SETD3: variants seen among roughly 807,000 people sequenced by gnomAD.
SETD3 encodes actin-histidine N-methyltransferase.
SETD3 carries 19 observed loss-of-function variants against 63.0 expected under a neutral mutation model. The observed-to-expected ratio is 0.30, with a 90% CI of 0.21 to 0.44. The LOEUF (loss-of-function observed/expected upper bound fraction) is 0.44, where lower values mean the gene tolerates loss of function less well. Ranked by LOEUF, SETD3 falls within the 20% of genes least tolerant of loss-of-function variation. The probability of loss-of-function intolerance (pLI) is 1.00; values close to 1 mark genes in which losing one functional copy is unlikely to be tolerated. For synonymous variants in SETD3, 286 were observed against 264.1 expected, an observed-to-expected ratio of 1.08 and a Z score of -0.80; for missense variants, 587 against 728.5, an observed-to-expected ratio of 0.81 and a Z score of 2.24.
Position 99,414,425 on chromosome 14 carries a change from A to G in SETD3, c.676-491T>C, listed in dbSNP as rs186521566. ...TTGAAAGCTCTTTCATTTCTCTCCG[A>G]CTTAAGTCATTTCATGGGAATCAAC... On this transcript the variant is annotated intron_variant, in intron 6 of 12. Coordinates refer to ENST00000331768, the MANE Select transcript of SETD3 (RefSeq NM_032233.3). Among the ~76,000 whole-genome samples, 1,406 of 152,360 alleles carry G rather than the reference A, an allele frequency of 9.2e-3. 24 individuals carry two copies. The highest frequency in any genetic ancestry group is 0.012 in the Non-Finnish European group (814 of 68,036).
At chr14:99,460,162 G>GT (rs35620095) in intron 4 of SETD3, among the ~76,000 whole-genome samples, 63,632 of 151,942 alleles carry the variant, frequency 0.42, 13,824 homozygotes, top group East Asian at 0.56. Flanking sequence ...GAAGAGACTG[G>GT]TTTTTTTGGA....
At chr14:99,415,297 T>C (rs1368036415) in intron 6 of SETD3, among the ~76,000 whole-genome samples, 1 of 152,198 alleles carries the variant, frequency 6.6e-6, no homozygotes, top group Non-Finnish European at 1.5e-5. Context: ...CAATGCTAAA[T>C]CTCTAAGTCT....
At chr14:99,466,627 G>T (rs78483517) in intron 1 of SETD3, among the ~76,000 whole-genome samples, 81 of 151,504 alleles carry the variant, frequency 5.3e-4, no homozygotes, top group African/African-American at 2.0e-3. Context: ...GCGGGGGGGG[G>T]GGGGGGCATT....
rs1237955559 is a variant in SETD3, at chr14:99,475,119, GT to G, written c.-9+5608del. On this transcript the variant is annotated intron_variant, in intron 1 of 12. Coordinates refer to ENST00000331768, the MANE Select transcript of SETD3 (RefSeq NM_032233.3). Reference sequence around the variant, plus strand: ...ATCTTTCTAAAATAAAAAAGACAATGTTATGTGTGAAGAAACAGCTGTAATC... The same window carrying G: ...ATCTTTCTAAAATAAAAAAGACAATGTATGTGTGAAGAAACAGCTGTAATC... Among the ~76,000 whole-genome samples, 4 of 152,250 alleles carry G rather than the reference GT, an allele frequency of 2.6e-5. No individual in the cohort carries two copies. The East Asian group carries it at 5.8e-4, about 22-fold the overall frequency.
intron 5 of SETD3, among the ~76,000 whole-genome samples, 161 bp from the exon 6 acceptor site, chr14:99,458,696 G>A (rs1894900502): frequency 6.6e-6 from 1 of 151,464 alleles, no homozygotes; most frequent in Admixed American, 6.6e-5. Context: ...CTAGCACTTT[G>A]GGAGGTCAAG....
chr14:99,458,992 T>C, intron 5 of SETD3, 121 bp downstream of exon 5: 1 of 639,544 alleles, frequency 1.6e-6, no homozygotes, highest in Admixed American at 2.9e-5. Flanking sequence ...ACTTAATGCA[T>C]ATTTGAGGGA....
At chr14:99,413,162 A>G (rs561653309) in intron 7 of SETD3, 97 bp from the exon 8 acceptor site, 1 of 669,398 alleles carries the variant, frequency 1.5e-6, no homozygotes, top group South Asian at 1.9e-5. Context: ...ATCTCTTACA[A>G]ACGTACAAAG....
chr14:99,441,740 G>A (rs957409158), intron 6 of SETD3, among the ~76,000 whole-genome samples: 1 of 152,206 alleles, frequency 6.6e-6, no homozygotes, highest in Non-Finnish European at 1.5e-5. Context: ...AGCCCCTGAT[G>A]AGGCCACAGC....
At chr14:99,420,533 T>C (rs1892529015) in intron 6 of SETD3, among the ~76,000 whole-genome samples, 1 of 152,094 alleles carries the variant, frequency 6.6e-6, no homozygotes, top group Non-Finnish European at 1.5e-5. Flanking sequence ...GATCTCCACA[T>C]TCCTCTTCAG....
intron 6 of SETD3, among the ~76,000 whole-genome samples, chr14:99,428,792 C>A (rs986897863): frequency 6.6e-6 from 1 of 152,088 alleles, no homozygotes; most frequent in African/African-American, 2.4e-5. Context: ...CAGCAAGAAA[C>A]CCAGGCACTG....
chr14:99,465,281 ACAC>A (rs1895306442), intron 2 of SETD3, among the ~76,000 whole-genome samples: 1 of 152,230 alleles, frequency 6.6e-6, no homozygotes, highest in African/African-American at 2.4e-5. Flanking sequence ...GTACCTTCAC[ACAC>A]CACATCTCAC....
intron 3 of SETD3, among the ~76,000 whole-genome samples, chr14:99,461,850 C>T (rs1285350199): frequency 6.6e-6 from 1 of 152,120 alleles, no homozygotes; most frequent in Non-Finnish European, 1.5e-5. Context: ...GGCTGTAAGG[C>T]AATTTAAATG....
intron 12 of SETD3, 22 bp downstream of exon 12, chr14:99,400,077 C>CTCATT: frequency 6.3e-7 from 1 of 1,582,082 alleles, no homozygotes; most frequent in South Asian, 1.2e-5. Context: ...AGTTCAAAAC[C>CTCATT]TCATTTATTT....
chr14:99,450,495 G>C (rs1894397746), intron 6 of SETD3, among the ~76,000 whole-genome samples: 1 of 152,202 alleles, frequency 6.6e-6, no homozygotes, highest in African/African-American at 2.4e-5. Flanking sequence ...ACAGGCTGCA[G>C]CAACAGTAAG....
chr14:99,436,347 T>C (rs1302733707), intron 6 of SETD3, among the ~76,000 whole-genome samples: 1 of 152,170 alleles, frequency 6.6e-6, no homozygotes, highest in Non-Finnish European at 1.5e-5. Context: ...CTGGTCTACA[T>C]AGAGCTTTCC....
chr14:99,459,471 A>G (rs959663214), intron 4 of SETD3, among the ~76,000 whole-genome samples: 7 of 152,262 alleles, frequency 4.6e-5, no homozygotes, highest in Non-Finnish European at 1.0e-4. Context: ...TGAAGCAAAT[A>G]TAACATTTGG....
chr14:99,466,898 A>G (rs1286007370), intron 1 of SETD3, among the ~76,000 whole-genome samples: 5 of 152,264 alleles, frequency 3.3e-5, no homozygotes, highest in Admixed American at 3.3e-4. Flanking sequence ...GATGGCCTCC[A>G]GGAGCCCCAG....
chr14:99,402,825 A>T (rs1351628109), intron 11 of SETD3, among the ~76,000 whole-genome samples: 2 of 152,250 alleles, frequency 1.3e-5, no homozygotes, highest in Non-Finnish European at 2.9e-5. Flanking sequence ...AAAACTGAGC[A>T]TGTACCAAAT....
At chr14:99,446,789 C>T (rs1363368091) in intron 6 of SETD3, among the ~76,000 whole-genome samples, 1 of 151,986 alleles carries the variant, frequency 6.6e-6, no homozygotes, top group Non-Finnish European at 1.5e-5. Context: ...GAAGACAGAG[C>T]AGAAGCGTTG....
Sources: allele counts gnomAD v4.1 joint callset (sites outside exome capture counted in the v4.1 genomes callset), GRCh38; gene constraint gnomAD v4.1.1; transcripts MANE v1.5; gene names NCBI Gene and HGNC (gene_info 2026-07-23, HGNC 2026-07-21).